Variants in RGS6 observed in about 807,000 individuals in gnomAD.
The protein encoded by RGS6 is regulator of G protein signaling 6, also known as regulator of G-protein signaling 6.
In RGS6, 30 loss-of-function variants were observed where a neutral mutation model predicts 78.5. That is an observed-to-expected ratio of 0.38 (90% CI 0.29 to 0.52). The LOEUF is 0.52. Among genes scored for constraint, RGS6 ranks in the 20% least tolerant of loss-of-function variants. RGS6 has a pLI of 0.85. For synonymous variants in RGS6, 206 were observed against 206.0 expected (o/e 1.00, Z 0.00); for missense variants, 495 against 609.7 (o/e 0.81, Z 1.98).
chr14:72,164,749 C>G (rs1473591520), intron 2 of RGS6, among the ~76,000 whole-genome samples: 4 of 152,046 alleles, frequency 2.6e-5, no homozygotes, highest in Non-Finnish European at 4.4e-5. Context: ...CTATCTTGAG[C>G]TGAATGGTGA....
intron 3 of RGS6, among the ~76,000 whole-genome samples, chr14:72,399,510 A>G (rs565878346): frequency 1.2e-4 from 18 of 152,224 alleles, no homozygotes; most frequent in African/African-American, 2.9e-4. Context: ...TCTTTTAATT[A>G]GAGCATTTGG....
At chr14:72,402,457 A>T (rs1183122560) in intron 3 of RGS6, among the ~76,000 whole-genome samples, 1 of 152,192 alleles carries the variant, frequency 6.6e-6, no homozygotes, top group Non-Finnish European at 1.5e-5. Context: ...CTAAACAGAC[A>T]TTTCTCAAAA....
intron 3 of RGS6, among the ~76,000 whole-genome samples, chr14:72,424,239 A>C (rs1257780004): frequency 1.3e-5 from 2 of 152,142 alleles, no homozygotes; most frequent in African/African-American, 4.8e-5. Context: ...AGAATGTGTC[A>C]AGTGCTGTGG....
At chr14:71,995,071 C>T (rs543771308) in intron 2 of RGS6, among the ~76,000 whole-genome samples, 22 of 152,298 alleles carry the variant, frequency 1.4e-4, no homozygotes, top group Non-Finnish European at 2.9e-4. Flanking sequence ...CCTGAGTTCT[C>T]ACAGCCTTCT....
At chr14:72,487,080 CACCCATGGGAA>C (rs1370609150) in intron 12 of RGS6, among the ~76,000 whole-genome samples, 1 of 152,070 alleles carries the variant, frequency 6.6e-6, no homozygotes. Context: ...ATGCCCAGGT[CACCCATGGGAA>C]ACTCCAAGAT....
chr14:72,549,665 C>G (rs764740138), intron 17 of RGS6, among the ~76,000 whole-genome samples: 2 of 152,152 alleles, frequency 1.3e-5, no homozygotes, highest in Non-Finnish European at 2.9e-5. Flanking sequence ...CGTTCAAGAC[C>G]AGCCTGGTCA....
chr14:71,991,818 C>T (rs577372291), intron 2 of RGS6, among the ~76,000 whole-genome samples: 1 of 152,264 alleles, frequency 6.6e-6, no homozygotes, highest in African/African-American at 2.4e-5. Flanking sequence ...GTTTAAAGGG[C>T]CACATAGTAA....
chr14:72,288,480 A>G (rs1373947868), intron 2 of RGS6, among the ~76,000 whole-genome samples: 1 of 152,224 alleles, frequency 6.6e-6, no homozygotes, highest in Non-Finnish European at 1.5e-5. Flanking sequence ...AGAAGGCTGC[A>G]TTGGTTTGAC....
the RGS6 span, among the ~76,000 whole-genome samples, chr14:72,587,145 G>A: frequency 6.6e-6 from 1 of 152,182 alleles, no homozygotes; most frequent in African/African-American, 2.4e-5. Flanking sequence ...GATGGGACAT[G>A]TCCATGAATG....
chr14:72,137,774 C>T (rs960583005), intron 2 of RGS6, among the ~76,000 whole-genome samples: 1 of 152,206 alleles, frequency 6.6e-6, no homozygotes, highest in African/African-American at 2.4e-5. Context: ...GGATGACATG[C>T]ATGTGTTTTT....
At chr14:72,580,858 G>C in the RGS6 span, among the ~76,000 whole-genome samples, 1 of 152,200 alleles carries the variant, frequency 6.6e-6, no homozygotes, top group East Asian at 1.9e-4. Flanking sequence ...GCCAGGAAAA[G>C]CCCTGCCTTC....
Position 72,073,724 on chromosome 14 carries a change from AT to A in RGS6, c.84+108858del, listed in dbSNP as rs542384691. Among the ~76,000 whole-genome samples the A allele has an allele frequency of 3.5e-4, 53 of 151,930 alleles. No homozygotes were observed. In the South Asian group the frequency reaches 6.5e-3, roughly 19 times the overall value. ...CAGACAATGGCCTTGGCTGGAATAA[AT>A]TTTTTTTTCTCACAAATTTTATAAT... On this transcript the variant is annotated intron_variant, in intron 2 of 17. Coordinates refer to ENST00000553525, the MANE Select transcript of RGS6 (RefSeq NM_001204424.2).
intron 3 of RGS6, among the ~76,000 whole-genome samples, chr14:72,390,638 T>C (rs1407080588): frequency 6.6e-6 from 1 of 152,190 alleles, no homozygotes; most frequent in Non-Finnish European, 1.5e-5. Context: ...GTGGGAAATG[T>C]TTAGAGGTAA....
intron 2 of RGS6, among the ~76,000 whole-genome samples, chr14:72,023,255 T>G (rs139301163): frequency 6.6e-6 from 1 of 152,204 alleles, no homozygotes; most frequent in African/African-American, 2.4e-5. Context: ...GGAAATATAT[T>G]TGGTGGAGCT....
chr14:71,956,175 G>C (rs1187729338), intron 1 of RGS6, among the ~76,000 whole-genome samples: 3 of 152,086 alleles, frequency 2.0e-5, no homozygotes, highest in Non-Finnish European at 2.9e-5. Flanking sequence ...AGTCAGCCTG[G>C]TTGTGTGACT....
chr14:71,988,554 T>C (rs1377209292), intron 2 of RGS6, among the ~76,000 whole-genome samples: 1 of 151,908 alleles, frequency 6.6e-6, no homozygotes, highest in Non-Finnish European at 1.5e-5. Context: ...ATGAATTATC[T>C]ATGGCTTTTT....
At chr14:72,547,945 CAT>C (rs982361170) in intron 17 of RGS6, among the ~76,000 whole-genome samples, 3 of 152,232 alleles carry the variant, frequency 2.0e-5, no homozygotes, top group Non-Finnish European at 4.4e-5. Context: ...AGAAAATACT[CAT>C]ATGTGGCCTG....
At chr14:71,971,658 G>A (rs4899409) in intron 2 of RGS6, among the ~76,000 whole-genome samples, 30,383 of 152,106 alleles carry the variant, frequency 0.2, 3,175 homozygotes, top group African/African-American at 0.26. Context: ...TGCAGATTCC[G>A]TGAGTTCTCC....
chr14:72,437,032 C>T (rs1354656262), intron 3 of RGS6, among the ~76,000 whole-genome samples: 2 of 151,842 alleles, frequency 1.3e-5, no homozygotes, highest in Non-Finnish European at 2.9e-5. Context: ...TTATTGTCAA[C>T]AATCATGGCC....
Sources: gnomAD v4.1 joint callset for allele counts (sites outside exome capture counted in the v4.1 genomes callset) on GRCh38, gnomAD v4.1.1 for gene constraint, MANE v1.5 for transcripts, NCBI Gene and HGNC (gene_info 2026-07-23, HGNC 2026-07-21) for gene names.